Variants in SLF1 observed in about 807,000 individuals in gnomAD.
SLF1 encodes the protein SMC5/6 complex localization factor 1.
A neutral mutation model predicts 123.0 loss-of-function variants in SLF1; 105 were observed. The ratio of observed to expected loss-of-function variants is 0.85; its 90% CI spans 0.73 to 1.00. The LOEUF is 1.00. Ranked by LOEUF, SLF1 falls within the 50% of genes least tolerant of loss-of-function variation. SLF1 has a pLI of 0.00. For synonymous variants in SLF1, 434 were observed against 406.6 expected, an observed-to-expected ratio of 1.07 and a Z score of -0.81; for missense variants, 1,239 against 1,223.0, an observed-to-expected ratio of 1.01 and a Z score of -0.20.
intron 12 of SLF1, among the ~76,000 whole-genome samples, chr5:94,666,848 T>C (rs1298590646): frequency 6.6e-6 from 1 of 152,050 alleles, no homozygotes; most frequent in East Asian, 1.9e-4. Flanking sequence ...TTTTACCATG[T>C]TGGCCAGGCT....
At position 94,691,647 on chromosome 5, in the gene SLF1, A is replaced by G. The variant is rs1753063429; in HGVS notation, c.2503A>G (p.Asn835Asp). 6.2e-7 allele frequency: 1 copy of G among 1,608,066 alleles called. No individual in the cohort carries two copies. Among genetic ancestry groups the G allele is most frequent in the Non-Finnish European group, 8.5e-7 (1 of 1,177,584 alleles). Residue 835 changes from asparagine to aspartate, a missense_variant, in exon 19 of 21, where the codon AAT (asparagine) becomes GAT (aspartate). Transcript: ENST00000265140. Reference sequence around the variant, plus strand: ...TCTCTCTTTGCCAGGAATAGACATCAATGTTAAAGGTAAGTTTTAAATCTT... The same window carrying G: ...TCTCTCTTTGCCAGGAATAGACATCGATGTTAAAGGTAAGTTTTAAATCTT... ...LLLSLPGIDI[N>D]VKDNAGWTPL...
chr5:94,681,839 A>G lies in SLF1; in HGVS notation c.1975+2884A>G, dbSNP rs142538460. ...TTTTCTTTTCTGTTAGTGCAGGTTG[A>G]TGTTTAACCTTTGTCAAGAGACAGA... On this transcript the variant is annotated intron_variant, in intron 15 of 20. Transcript: ENST00000265140. Among the ~76,000 whole-genome samples, 593 of 152,230 alleles carry G rather than the reference A, an allele frequency of 3.9e-3. 3 individuals carry two copies. The highest frequency in any genetic ancestry group is 7.2e-3 in the Non-Finnish European group (492 of 68,016).
intron 3 of SLF1, 147 bp from the exon 4 acceptor site, chr5:94,630,356 C>T (rs1745068869): frequency 1.1e-6 from 1 of 906,382 alleles, no homozygotes; most frequent in Non-Finnish European, 1.6e-6. Context: ...AGAAAATTTC[C>T]CCAAAATGCA....
At chr5:94,650,064 G>A (rs951259912) in intron 6 of SLF1, among the ~76,000 whole-genome samples, 7 of 152,006 alleles carry the variant, frequency 4.6e-5, no homozygotes, top group African/African-American at 1.2e-4. Context: ...GCAATAAAAA[G>A]TACCTCAAGA....
At position 94,630,573 on chromosome 5, in the gene SLF1, T is replaced by C. The variant is rs1745091793; in HGVS notation, c.261T>C (p.Thr87=). The C allele has an allele frequency of 1.3e-6, 2 of 1,551,632 alleles. No individual in the cohort carries two copies. Among genetic ancestry groups the C allele is most frequent in the East Asian group, 4.9e-5 (2 of 40,910 alleles). The part of the protein sequence containing the change: ...AKSGRWLDET[T]YEWGYKIEKD... ...GTGGCAGATGGCTTGATGAAACAAC[T>C]TATGAATGGGGATATAAAATTGAAA... Residue 87 remains threonine, a synonymous_variant, in exon 4 of 21, where the codon ACT becomes ACC. Coordinates refer to ENST00000265140, the MANE Select transcript of SLF1 (RefSeq NM_032290.4).
At chr5:94,646,494 C>A (rs1304390966) in intron 5 of SLF1, among the ~76,000 whole-genome samples, 3 of 152,140 alleles carry the variant, frequency 2.0e-5, no homozygotes, top group Non-Finnish European at 4.4e-5. Flanking sequence ...CTGTTACTTG[C>A]AATTCATATG....
At chr5:94,626,812 C>A (rs998601463) in intron 1 of SLF1, among the ~76,000 whole-genome samples, 1 of 152,138 alleles carries the variant, frequency 6.6e-6, no homozygotes, top group African/African-American at 2.4e-5. Context: ...ACCTTCTTTG[C>A]AAATATGCAG....
intron 14 of SLF1, among the ~76,000 whole-genome samples, chr5:94,675,493 C>G (rs1401121588): frequency 2.0e-5 from 3 of 152,058 alleles, no homozygotes; most frequent in Admixed American, 2.0e-4. Context: ...TCCACTAATA[C>G]TGGAAGGAAT....
At chr5:94,664,731 G>A (rs1702911130) in intron 11 of SLF1, among the ~76,000 whole-genome samples, 1 of 152,172 alleles carries the variant, frequency 6.6e-6, no homozygotes, top group Non-Finnish European at 1.5e-5. Flanking sequence ...ATTGTGAAAA[G>A]GAAAATGTGT....
intron 16 of SLF1, among the ~76,000 whole-genome samples, chr5:94,688,293 TAAG>T (rs2152497978): frequency 6.6e-6 from 1 of 152,280 alleles, no homozygotes; most frequent in African/African-American, 2.4e-5. Context: ...TAATTATTTT[TAAG>T]AAGGTGTTTT....
intron 14 of SLF1, among the ~76,000 whole-genome samples, chr5:94,672,483 G>T (rs1750586243): frequency 6.9e-6 from 1 of 144,424 alleles, no homozygotes. Context: ...CATTTCCCCT[G>T]TCCTCCTCTT....
At chr5:94,649,411 ATACACT>A in intron 5 of SLF1, 37 bp from the exon 6 acceptor site, 1 of 1,376,732 alleles carries the variant, frequency 7.3e-7, no homozygotes, top group African/African-American at 1.5e-5. Context: ...AATATTGAAA[ATACACT>A]TAGATGATTG....
At chr5:94,656,923 ATTAAC>A (rs1288047958) in intron 9 of SLF1, among the ~76,000 whole-genome samples, 1 of 150,742 alleles carries the variant, frequency 6.6e-6, no homozygotes, top group Non-Finnish European at 1.5e-5. Flanking sequence ...TTTAAAAAAA[ATTAAC>A]TTATTTGTTT....
chr5:94,632,697 G>C (rs912793786), intron 4 of SLF1, among the ~76,000 whole-genome samples: 2 of 151,626 alleles, frequency 1.3e-5, no homozygotes, highest in African/African-American at 4.8e-5. Context: ...ATACTTGTTT[G>C]TTTCTTTTAT....
chr5:94,654,594 A>G lies in SLF1; in HGVS notation c.1033-36A>G, dbSNP rs758279271. The G allele has an allele frequency of 3.6e-5, 53 of 1,487,536 alleles. No individual in the cohort carries two copies. In the African/African-American group the frequency reaches 6.2e-4, roughly 17 times the overall value. 92.1% of individuals were successfully genotyped at this position (1,487,536 alleles called of 1,614,324 possible). ...CATCTGTGTTGACACTGTCTTTAGT[A>G]CATTTTCTAAAGTCATTTTACTTTG... is the stretch of plus-strand genomic sequence containing the variant. On this transcript the variant is annotated intron_variant, in intron 8 of 20. Transcript: ENST00000265140.
At chr5:94,663,487 T>C (rs2152486523) in intron 10 of SLF1, among the ~76,000 whole-genome samples, 2 of 152,272 alleles carry the variant, frequency 1.3e-5, no homozygotes, top group Admixed American at 1.3e-4. Context: ...CTGCTAAGAA[T>C]ACAAAAATCA....
At chr5:94,686,801 A>G (rs1752480401) in intron 16 of SLF1, 83 bp downstream of exon 16, 1 of 1,418,872 alleles carries the variant, frequency 7.0e-7, no homozygotes, top group Non-Finnish European at 9.4e-7. Context: ...TTATTTATTT[A>G]TTTTGAGATG....
rs557979949 is a variant in SLF1 at position 94,666,030 on chromosome 5, G to A, written c.1532+6G>A. On this transcript the variant is annotated splice_donor_region_variant and intron_variant, in intron 12 of 20. Transcript: ENST00000265140. ...TTAGTAGAAGTCCTTATCAGGTAAGGAATTTCACATTTGACGATGCTACAT... is the reference window on the plus strand; with the variant it reads ...TTAGTAGAAGTCCTTATCAGGTAAGAAATTTCACATTTGACGATGCTACAT... 7.7e-5 allele frequency: 118 copies of A among 1,539,796 alleles called. No homozygotes were observed. Among genetic ancestry groups the A allele is most frequent in the Non-Finnish European group, 9.0e-5 (103 of 1,142,494 alleles).
Position 94,651,787 on chromosome 5 carries a change from A to C in SLF1, c.824A>C (p.Lys275Thr), listed in dbSNP as rs1561442266. ...AAAGAAAAATTCAGTGGTTCCAGTAAAGATTTGAAATTTGTTAAAATGAGA... is the reference window on the plus strand; with the variant it reads ...AAAGAAAAATTCAGTGGTTCCAGTACAGATTTGAAATTTGTTAAAATGAGA... ...HKKEKFSGSS[K>T]DLKFVKMRNT... is the part of the protein sequence containing the mutation. Residue 275 changes from lysine (K) to threonine (T), a missense_variant, in exon 7 of 21, where the codon AAA becomes ACA. Lys to Thr is a moderately conservative substitution (Grantham distance 78). Transcript: ENST00000265140. The C allele has an allele frequency of 1.3e-6, 2 of 1,518,270 alleles. No homozygotes were observed. 94.0% of individuals were successfully genotyped at this position (1,518,270 alleles called of 1,614,324 possible).
Sources: gnomAD v4.1 joint callset for allele counts (sites outside exome capture counted in the v4.1 genomes callset) on GRCh38, gnomAD v4.1.1 for gene constraint, MANE v1.5 for transcripts, NCBI Gene and HGNC (gene_info 2026-07-23, HGNC 2026-07-21) for gene names.